EEPD1: variants seen among roughly 807,000 people sequenced by gnomAD.
EEPD1 encodes the protein endonuclease/exonuclease/phosphatase family domain-containing protein 1.
A neutral mutation model predicts 46.3 loss-of-function variants in EEPD1; 17 were observed. The ratio of observed to expected loss-of-function variants is 0.37; its 90% CI spans 0.25 to 0.55. The LOEUF (loss-of-function observed/expected upper bound fraction) is 0.55. Among genes scored for constraint, EEPD1 ranks in the 20% least tolerant of loss-of-function variants. The pLI, the probability that EEPD1 is intolerant of heterozygous loss-of-function variation, is 0.83. For missense variants in EEPD1, 673 were observed against 745.6 expected (o/e 0.90, Z 1.13); for synonymous variants, 313 against 315.6 (o/e 0.99, Z 0.09).
Position 36,154,253 on chromosome 7 carries a change from T to G in EEPD1, c.-72T>G. Reference sequence around the variant, plus strand: ...GTTTTTCTGTGCTTGTACGGCCTACTGGGCTTCCTCCCTAGCCAGAGAGCT... The same window carrying G: ...GTTTTTCTGTGCTTGTACGGCCTACGGGGCTTCCTCCCTAGCCAGAGAGCT... On this transcript the variant is annotated 5_prime_UTR_variant, in exon 2 of 8. Coordinates refer to ENST00000242108, the MANE Select transcript of EEPD1 (RefSeq NM_030636.3). This position sits in a 1 kb window ranked among gnomAD's most constrained non-coding sequence, Gnocchi z 4.2. 1 of 1,507,518 alleles carries G rather than the reference T, an allele frequency of 6.6e-7. No individual in the cohort carries two copies. Among genetic ancestry groups the G allele is most frequent in the Non-Finnish European group, 8.8e-7 (1 of 1,133,110 alleles). 93.4% of individuals were successfully genotyped at this position (1,507,518 alleles called of 1,614,324 possible). A position where few individuals can be genotyped will look rare whatever the true frequency, so the allele number is the denominator to read the frequency against.
At chr7:36,288,101 C>A (rs78359305) in intron 6 of EEPD1, among the ~76,000 whole-genome samples, 2 of 152,150 alleles carry the variant, frequency 1.3e-5, no homozygotes, top group Non-Finnish European at 2.9e-5. Context: ...CCAGCTGCCT[C>A]GGGCATCACT....
chr7:36,201,554 A>G (rs1051778572), intron 2 of EEPD1, among the ~76,000 whole-genome samples: 8 of 152,158 alleles, frequency 5.3e-5, no homozygotes, highest in Admixed American at 3.9e-4. Flanking sequence ...CTGATCTGCA[A>G]CCGGGGATGA....
chr7:36,288,285 T>G (rs892549306), intron 6 of EEPD1, among the ~76,000 whole-genome samples: 12 of 152,130 alleles, frequency 7.9e-5, no homozygotes, highest in African/African-American at 2.9e-4. Context: ...TTTAATCTTG[T>G]AGGACCTCAG....
At chr7:36,203,323 C>T (rs1209512187) in intron 2 of EEPD1, among the ~76,000 whole-genome samples, 2 of 152,192 alleles carry the variant, frequency 1.3e-5, no homozygotes, top group African/African-American at 4.8e-5. Flanking sequence ...GTCACACCCA[C>T]ACCATGCAGT....
intron 4 of EEPD1, among the ~76,000 whole-genome samples, chr7:36,282,641 A>G (rs1276516778): frequency 6.6e-6 from 1 of 152,240 alleles, no homozygotes; most frequent in Non-Finnish European, 1.5e-5. Flanking sequence ...TAGCTCACCT[A>G]TAGGGTGGCT....
intron 2 of EEPD1, among the ~76,000 whole-genome samples, chr7:36,182,865 G>A (rs1785298972): frequency 6.6e-6 from 1 of 152,238 alleles, no homozygotes; most frequent in African/African-American, 2.4e-5. Context: ...TTCATGCTTT[G>A]TAAAGTTGTG....
Position 36,278,593 on chromosome 7 carries a change from G to A in EEPD1, c.931-2522G>A, listed in dbSNP as rs369994104. Among the ~76,000 whole-genome samples, 92 of 152,216 alleles carry A rather than the reference G, an allele frequency of 6.0e-4. 1 individual carries two copies. The South Asian group carries it at 0.017, about 27-fold the overall frequency. On this transcript the variant is annotated intron_variant, in intron 3 of 7. Transcript: ENST00000242108. ...AGCAACCAGGTTTGGGACCCCCTGC[G>A]AGGAAAACAGTGAAGCACCAGCTGG...
chr7:36,169,830 G>A (rs537543705), intron 2 of EEPD1, among the ~76,000 whole-genome samples: 1 of 152,354 alleles, frequency 6.6e-6, no homozygotes, highest in South Asian at 2.1e-4. Context: ...CTTAAACAAT[G>A]TCCTGGAGAA....
At chr7:36,219,997 A>C (rs781457924) in intron 2 of EEPD1, among the ~76,000 whole-genome samples, 1 of 152,154 alleles carries the variant, frequency 6.6e-6, no homozygotes, top group African/African-American at 2.4e-5. Flanking sequence ...GGTTGCGGGA[A>C]GAAGAGCACA....
At chr7:36,232,276 T>C (rs1786345997) in intron 2 of EEPD1, among the ~76,000 whole-genome samples, 1 of 151,616 alleles carries the variant, frequency 6.6e-6, no homozygotes, top group Non-Finnish European at 1.5e-5. Context: ...ACAATCTTGG[T>C]TCACTGCAAC....
intron 3 of EEPD1, among the ~76,000 whole-genome samples, chr7:36,256,186 G>C (rs1381267094): frequency 2.0e-5 from 3 of 152,082 alleles, no homozygotes; most frequent in Admixed American, 6.6e-5. Context: ...TGTGTGCTGA[G>C]AGACTGTTAT....
intron 2 of EEPD1, among the ~76,000 whole-genome samples, chr7:36,164,784 A>G (rs573339977): frequency 1.3e-5 from 2 of 152,330 alleles, no homozygotes; most frequent in South Asian, 4.1e-4. Flanking sequence ...GCCTGGTGAC[A>G]TCTTCATGAT....
chr7:36,224,639 T>C (rs1786201554), intron 2 of EEPD1, among the ~76,000 whole-genome samples: 2 of 152,096 alleles, frequency 1.3e-5, no homozygotes, highest in Admixed American at 1.3e-4. Context: ...AAAGGATATT[T>C]GACATGGAAA....
At chr7:36,260,884 T>G (rs1786910123) in intron 3 of EEPD1, among the ~76,000 whole-genome samples, 1 of 152,246 alleles carries the variant, frequency 6.6e-6, no homozygotes, top group Admixed American at 6.5e-5. Context: ...TTTTTTCTTG[T>G]CATTATTGCC....
chr7:36,223,370 TG>T (rs1447842905), intron 2 of EEPD1, among the ~76,000 whole-genome samples: 1 of 151,868 alleles, frequency 6.6e-6, no homozygotes, highest in Non-Finnish European at 1.5e-5. Flanking sequence ...TGGGCCTTGG[TG>T]GGAGTATGTA....
At chr7:36,219,301 A>C (rs560547695) in intron 2 of EEPD1, among the ~76,000 whole-genome samples, 226 of 151,598 alleles carry the variant, frequency 1.5e-3, no homozygotes, top group Admixed American at 3.9e-3. Flanking sequence ...ACTAGATGGC[A>C]AAGCCTAAAC....
At chr7:36,257,301 G>A (rs1032992049) in intron 3 of EEPD1, among the ~76,000 whole-genome samples, 12 of 151,562 alleles carry the variant, frequency 7.9e-5, no homozygotes, top group South Asian at 4.2e-4. Flanking sequence ...TATGTGTCTC[G>A]GGGTCGCTCT....
At chr7:36,219,359 C>T (rs1421821132) in intron 2 of EEPD1, among the ~76,000 whole-genome samples, 1 of 151,820 alleles carries the variant, frequency 6.6e-6, no homozygotes, top group East Asian at 1.9e-4. Context: ...AAGGAATCTC[C>T]TATGAATTCC....
chr7:36,171,456 C>T (rs910471057), intron 2 of EEPD1, among the ~76,000 whole-genome samples: 26 of 152,164 alleles, frequency 1.7e-4, no homozygotes, highest in African/African-American at 6.3e-4. Context: ...CAGACTTTAT[C>T]AGGCTTTGAG....
Sources: gnomAD v4.1 joint callset for allele counts (sites outside exome capture counted in the v4.1 genomes callset) on GRCh38, gnomAD v4.1.1 for gene constraint, Gnocchi (gnomAD v3.1) non-coding constraint, MANE v1.5 for transcripts, NCBI Gene and HGNC (gene_info 2026-07-23, HGNC 2026-07-21) for gene names.